CDH13: variants seen among roughly 807,000 people sequenced by gnomAD.
The protein encoded by CDH13 is cadherin 13.
A neutral mutation model predicts 63.8 loss-of-function variants in CDH13; 24 were observed. The observed-to-expected ratio is 0.38, with a 90% confidence interval of 0.27 to 0.53. The LOEUF is 0.53. CDH13 is among the 20% of genes least tolerant of loss of function. The pLI is 0.85. For synonymous variants in CDH13, 503 were observed against 355.3 expected (o/e 1.42, Z -4.67); for missense variants, 1,049 against 903.1 (o/e 1.16, Z -2.07).
chr16:83,306,793 C>G (rs1482794880), intron 5 of CDH13, among the ~76,000 whole-genome samples: 1 of 152,010 alleles, frequency 6.6e-6, no homozygotes, highest in Non-Finnish European at 1.5e-5. Context: ...AACTGGGAAC[C>G]CACCAAAATA....
rs1387839005 is a variant in CDH13 at position 83,140,090 on chromosome 16, A to G, written c.483+14589A>G. ...TTACCTCTCTATTTTTAAAGTGCGTATACATTCATAAAGACACAGCATCAG... is the reference window on the plus strand; with the variant it reads ...TTACCTCTCTATTTTTAAAGTGCGTGTACATTCATAAAGACACAGCATCAG... On this transcript the variant is annotated intron_variant, in intron 4 of 13. Transcript: ENST00000567109. Among the ~76,000 whole-genome samples the G allele has an allele frequency of 2.6e-5, 4 of 152,232 alleles. No homozygotes were observed. The South Asian group carries it at 8.3e-4, about 31-fold the overall frequency.
intron 8 of CDH13, among the ~76,000 whole-genome samples, chr16:83,618,895 G>A (rs999325474): frequency 1.3e-5 from 2 of 151,528 alleles, no homozygotes; most frequent in Non-Finnish European, 2.9e-5. Flanking sequence ...ATTCTTGTGA[G>A]ATTAAACAAA....
chr16:82,643,362 T>C (rs1008140345), intron 1 of CDH13, among the ~76,000 whole-genome samples: 2 of 152,194 alleles, frequency 1.3e-5, no homozygotes, highest in Admixed American at 1.3e-4. Context: ...TTTACTTATA[T>C]TAACACTGCG....
chr16:83,175,886 T>C (rs1003892511), intron 4 of CDH13, among the ~76,000 whole-genome samples: 1 of 145,002 alleles, frequency 6.9e-6, no homozygotes, highest in African/African-American at 2.6e-5. Flanking sequence ...TAGAGTGTAA[T>C]GGCGCGATCT....
intron 5 of CDH13, among the ~76,000 whole-genome samples, chr16:83,223,483 A>T (rs1056732721): frequency 4.6e-5 from 7 of 152,240 alleles, no homozygotes; most frequent in Non-Finnish European, 1.0e-4. Flanking sequence ...GGTGACAGGC[A>T]TTTCAACCAT....
chr16:82,668,285 G>C (rs1481975419), intron 1 of CDH13, among the ~76,000 whole-genome samples: 2 of 152,150 alleles, frequency 1.3e-5, no homozygotes, highest in African/African-American at 4.8e-5. Flanking sequence ...GGCTGGGAAG[G>C]CAGAGTTGGC....
intron 2 of CDH13, among the ~76,000 whole-genome samples, chr16:83,017,250 G>C (rs1914897264): frequency 6.6e-6 from 1 of 152,078 alleles, no homozygotes; most frequent in Non-Finnish European, 1.5e-5. Flanking sequence ...AGGGTCTTCT[G>C]GCATCTGCTG....
chr16:83,113,348 C>G (rs1215346758), intron 3 of CDH13, among the ~76,000 whole-genome samples: 1 of 152,242 alleles, frequency 6.6e-6, no homozygotes, highest in Admixed American at 6.5e-5. Flanking sequence ...GGAGCAAATA[C>G]TCTGCACCAG....
intron 10 of CDH13, among the ~76,000 whole-genome samples, chr16:83,697,169 C>A (rs146225608): frequency 1.3e-5 from 2 of 152,138 alleles, no homozygotes; most frequent in African/African-American, 4.8e-5. Flanking sequence ...ATACTCATGG[C>A]GCTTTCATGG....
chr16:83,783,076 G>A (rs904683345), intron 12 of CDH13, among the ~76,000 whole-genome samples, 178 bp from the exon 13 acceptor site: 1 of 152,208 alleles, frequency 6.6e-6, no homozygotes, highest in Non-Finnish European at 1.5e-5. Flanking sequence ...TGTGGCAGGT[G>A]CCACTGAGGA....
chr16:83,644,020 G>C (rs866431670), intron 8 of CDH13, among the ~76,000 whole-genome samples: 6 of 152,296 alleles, frequency 3.9e-5, no homozygotes, highest in Middle Eastern at 6.8e-3. Flanking sequence ...GCTGTAACGA[G>C]GGCAGCTAGA....
At chr16:83,677,450 C>A (rs1437156624) in intron 9 of CDH13, among the ~76,000 whole-genome samples, 1 of 152,150 alleles carries the variant, frequency 6.6e-6, no homozygotes, top group African/African-American at 2.4e-5. Context: ...CCCCGCCCGG[C>A]AAATGGTTGT....
At chr16:83,337,722 G>A (rs796153457) in intron 5 of CDH13, among the ~76,000 whole-genome samples, 9 of 134,254 alleles carry the variant, frequency 6.7e-5, no homozygotes, top group African/African-American at 2.5e-4. Flanking sequence ...ATATTTCGCA[G>A]CCTTTAGTTT....
intron 9 of CDH13, among the ~76,000 whole-genome samples, chr16:83,672,372 C>T (rs1914571762): frequency 6.9e-6 from 1 of 144,664 alleles, no homozygotes; most frequent in Non-Finnish European, 1.5e-5. Flanking sequence ...TCTCTATCCT[C>T]ACATGGTAGA....
At chr16:83,083,033 C>T (rs1192523291) in intron 3 of CDH13, among the ~76,000 whole-genome samples, 42 of 152,104 alleles carry the variant, frequency 2.8e-4, no homozygotes, top group Admixed American at 2.7e-3. Flanking sequence ...AGCAATTTAA[C>T]TTGATCATGA....
chr16:82,737,082 A>T (rs919639543), intron 1 of CDH13, among the ~76,000 whole-genome samples: 3 of 152,152 alleles, frequency 2.0e-5, no homozygotes, highest in South Asian at 2.1e-4. Context: ...ATCTTGTCAT[A>T]GTTTCATTTA....
chr16:83,427,039 G>T (rs2071931656), intron 6 of CDH13, among the ~76,000 whole-genome samples: 1 of 142,282 alleles, frequency 7.0e-6, no homozygotes, highest in South Asian at 2.3e-4. Context: ...CCATTCTCCT[G>T]CCTTAGCCTC....
At position 82,972,619 on chromosome 16, in the gene CDH13, T is replaced by C. The variant is rs1174082962; in HGVS notation, c.158-59391T>C. On this transcript the variant is annotated intron_variant, in intron 2 of 13. Transcript: ENST00000567109. Reference sequence around the variant, plus strand: ...CTGGGACGGAAAATGCATAACTCCATGTGAATTGCCAAGGATAGTGCCTGT... The same window carrying C: ...CTGGGACGGAAAATGCATAACTCCACGTGAATTGCCAAGGATAGTGCCTGT... Among the ~76,000 whole-genome samples the C allele has an allele frequency of 7.2e-5, 11 of 152,296 alleles. No individual in the cohort carries two copies. In the East Asian group the frequency reaches 1.9e-3, roughly 27 times the overall value.
In CDH13 at chr16:83,615,045, T is replaced by C. The variant is rs745477849; in HGVS notation, c.1101+12451T>C. ...GTTCCCTTAACTCTTTGGGATCTTT[T>C]CCTCTGTTTTTGATAGTTTGGTGAC... On this transcript the variant is annotated intron_variant, in intron 8 of 13. Coordinates refer to ENST00000567109, the MANE Select transcript of CDH13 (RefSeq NM_001257.5). Among the ~76,000 whole-genome samples, 13 of 152,192 alleles carry C rather than the reference T, an allele frequency of 8.5e-5. 1 individual carries two copies. Among genetic ancestry groups the C allele is most frequent in the Admixed American group, 8.5e-4 (13 of 15,276 alleles).
Sources: allele counts gnomAD v4.1 joint callset (sites outside exome capture counted in the v4.1 genomes callset), GRCh38; gene constraint gnomAD v4.1.1; transcripts MANE v1.5; gene names NCBI Gene and HGNC (gene_info 2026-07-23, HGNC 2026-07-21).